IL12RB2: variants seen among roughly 807,000 people sequenced by gnomAD.
IL12RB2 encodes the protein interleukin-12 receptor subunit beta-2.
IL12RB2 carries 82 observed loss-of-function variants against 89.4 expected under a neutral mutation model. The observed-to-expected ratio is 0.92, with a 90% CI of 0.77 to 1.10. The LOEUF (loss-of-function observed/expected upper bound fraction) is 1.10, where lower values mean the gene tolerates loss of function less well. Among genes scored for constraint, IL12RB2 ranks in the 50% least tolerant of loss-of-function variants. IL12RB2 has a pLI of 0.00. For missense variants in IL12RB2, 963 were observed against 1,031.9 expected (o/e 0.93, Z 0.92); for synonymous variants, 368 against 370.1 (o/e 0.99, Z 0.07).
rs1326929168 is a variant in IL12RB2 at position 67,395,679 on chromosome 1, C to T, written c.2179C>T (p.Pro727Ser). 9.3e-6 allele frequency: 15 copies of T among 1,613,940 alleles called. No individual in the cohort carries two copies. Among genetic ancestry groups the T allele is most frequent in the Non-Finnish European group, 1.3e-5 (15 of 1,179,982 alleles). The change falls in exon 17 of 17, where the codon CCA (proline) becomes TCA (serine). Residue 727 changes from proline to serine, a missense_variant. Transcript: ENST00000674203. ...CAGACATCCCCCCTGCTCCAACTGGCCACAAAGGGAAAAAGGAATCCAAGG... is the reference window on the plus strand; with the variant it reads ...CAGACATCCCCCCTGCTCCAACTGGTCACAAAGGGAAAAAGGAATCCAAGG... ...VFRHPPCSNWPQREKGIQGHQ... is the reference protein window; with the variant it reads ...VFRHPPCSNWSQREKGIQGHQ...
chr1:67,349,541 C>T (rs185256739), intron 9 of IL12RB2, among the ~76,000 whole-genome samples: 21 of 152,280 alleles, frequency 1.4e-4, no homozygotes, highest in Admixed American at 1.1e-3. Flanking sequence ...AGATCGGCTG[C>T]GACAGACATT....
intron 16 of IL12RB2, among the ~76,000 whole-genome samples, chr1:67,393,661 G>C (rs1020853903): frequency 1.3e-5 from 2 of 152,194 alleles, no homozygotes; most frequent in African/African-American, 4.8e-5. Context: ...AATCTGTTCT[G>C]AGACAGTGCC....
intron 1 of IL12RB2, among the ~76,000 whole-genome samples, chr1:67,309,735 G>A (rs867558986): frequency 4.6e-5 from 7 of 152,244 alleles, no homozygotes; most frequent in African/African-American, 1.7e-4. Flanking sequence ...TAAGGTAGAA[G>A]AATCCGCCAA....
intron 10 of IL12RB2, among the ~76,000 whole-genome samples, chr1:67,361,718 G>A (rs1355357540): frequency 1.3e-5 from 2 of 150,458 alleles, no homozygotes; most frequent in African/African-American, 5.0e-5. Flanking sequence ...GTAAAAAAAA[G>A]AAAGGAATAA....
intron 13 of IL12RB2, among the ~76,000 whole-genome samples, chr1:67,375,524 T>C (rs1277574666): frequency 2.0e-5 from 3 of 151,528 alleles, no homozygotes; most frequent in South Asian, 4.2e-4. Context: ...TTCTAGAGAG[T>C]GGTAGGAGGT....
chr1:67,364,076 T>C (rs1345412917), intron 10 of IL12RB2, among the ~76,000 whole-genome samples: 3 of 152,212 alleles, frequency 2.0e-5, no homozygotes, highest in Non-Finnish European at 2.9e-5. Context: ...TATAGTTGTC[T>C]ATAAGAAATC....
chr1:67,394,349 G>A (rs979144671), intron 16 of IL12RB2, among the ~76,000 whole-genome samples: 2 of 152,040 alleles, frequency 1.3e-5, no homozygotes, highest in African/African-American at 4.8e-5. Context: ...CCCAATTAAA[G>A]CCCAGTTTTT....
At chr1:67,327,226 T>C (rs982945749) in intron 5 of IL12RB2, among the ~76,000 whole-genome samples, 10 of 152,292 alleles carry the variant, frequency 6.6e-5, no homozygotes, top group Admixed American at 5.2e-4. Context: ...CCCAAAGTGC[T>C]GGGATTACAG....
chr1:67,361,465 G>T (rs1190261510), intron 10 of IL12RB2, among the ~76,000 whole-genome samples: 1 of 152,138 alleles, frequency 6.6e-6, no homozygotes, highest in Non-Finnish European at 1.5e-5. Context: ...AGAATTCTAA[G>T]AAAGGGTCAA....
intron 2 of IL12RB2, among the ~76,000 whole-genome samples, chr1:67,319,273 A>G (rs1656187618): frequency 6.6e-6 from 1 of 152,222 alleles, no homozygotes; most frequent in Non-Finnish European, 1.5e-5. Context: ...TTTTTGGCCT[A>G]TCTTTAATAG....
At chr1:67,324,693 C>T (rs907805723) in intron 4 of IL12RB2, among the ~76,000 whole-genome samples, 2 of 152,206 alleles carry the variant, frequency 1.3e-5, no homozygotes, top group Non-Finnish European at 2.9e-5. Flanking sequence ...GTTAAAACGA[C>T]TCTCAGACCA....
chr1:67,343,918 C>T (rs1659938580), intron 9 of IL12RB2, among the ~76,000 whole-genome samples: 1 of 152,198 alleles, frequency 6.6e-6, no homozygotes, highest in South Asian at 2.1e-4. Flanking sequence ...ATGAAAGCTC[C>T]TCTTTAGTAT....
chr1:67,355,248 T>C lies in IL12RB2; in HGVS notation c.1258+4159T>C, dbSNP rs554678873. ...GGCCAATACAGTGAAACCCTGTCTC[T>C]ACCAAAAAATACAAAATTAGCCAGG... On this transcript the variant is annotated intron_variant, in intron 10 of 16. Transcript: ENST00000674203. 3.0e-4 allele frequency among the ~76,000 whole-genome samples: 45 copies of C among 151,742 alleles called. 1 individual carries two copies. In the Middle Eastern group the frequency reaches 0.014, roughly 46 times the overall value.
chr1:67,308,902 C>G (rs536318131), intron 1 of IL12RB2, among the ~76,000 whole-genome samples: 1 of 152,184 alleles, frequency 6.6e-6, no homozygotes, highest in East Asian at 1.9e-4. Flanking sequence ...CACCTGTAAT[C>G]CCAGCTACTC....
At chr1:67,328,492 C>A in intron 6 of IL12RB2, 108 bp downstream of exon 6, 4 of 1,576,800 alleles carry the variant, frequency 2.5e-6, no homozygotes, top group Non-Finnish European at 2.6e-6. Flanking sequence ...TGGAAATTGG[C>A]CAACAGGCAT....
chr1:67,384,668 T>G (rs77311526), intron 14 of IL12RB2, among the ~76,000 whole-genome samples: 8,470 of 152,322 alleles, frequency 0.056, 359 homozygotes, highest in African/African-American at 0.11. Flanking sequence ...TATGTTCTGC[T>G]TCCTCTTGAA....
intron 5 of IL12RB2, 81 bp from the exon 6 acceptor site, chr1:67,328,119 T>C: frequency 1.0e-6 from 1 of 991,160 alleles, no homozygotes. Flanking sequence ...TCTAAATATT[T>C]AAACATTTTG....
chr1:67,309,045 C>CATAT (rs146292829), intron 1 of IL12RB2, among the ~76,000 whole-genome samples: 18,158 of 149,086 alleles, frequency 0.12, 1,189 homozygotes, highest in East Asian at 0.16. Context: ...CATACATATA[C>CATAT]ATATATATAT....
rs754312462 is a variant in IL12RB2 at position 67,328,391 on chromosome 1, T to C, written c.664+7T>C. The stretch of plus-strand genomic sequence containing the variant: ...TTCACATTCTTGGACATAGGTACAT[T>C]TTATTTCACTGTTTCATTGGTACTT... On this transcript the variant is annotated splice_region_variant and intron_variant, in intron 6 of 16. Transcript: ENST00000674203. 6.2e-7 allele frequency: 1 copy of C among 1,614,150 alleles called. No individual in the cohort carries two copies. The highest frequency in any genetic ancestry group is 1.1e-5 in the South Asian group (1 of 91,076).
Sources: gnomAD v4.1 joint callset for allele counts (sites outside exome capture counted in the v4.1 genomes callset) on GRCh38, gnomAD v4.1.1 for gene constraint, MANE v1.5 for transcripts, NCBI Gene and HGNC (gene_info 2026-07-23, HGNC 2026-07-21) for gene names.